LARGE1: variants seen among roughly 807,000 people sequenced by gnomAD.
LARGE1 encodes the protein LARGE xylosyl- and glucuronyltransferase 1, also known as xylosyl- and glucuronyltransferase LARGE1.
Under a neutral mutation model 87.6 loss-of-function variants are expected in LARGE1, and 43 were observed. That is an observed-to-expected ratio of 0.49 (90% CI 0.38 to 0.63). The LOEUF (loss-of-function observed/expected upper bound fraction) is 0.63. Ranked by LOEUF, LARGE1 falls within the 30% of genes least tolerant of loss-of-function variation. The pLI, the probability that LARGE1 is intolerant of heterozygous loss-of-function variation, is 0.00. For missense variants in LARGE1, 802 were observed against 1,000.2 expected (o/e 0.80, Z 2.67); for synonymous variants, 434 against 394.6 (o/e 1.10, Z -1.18).
At chr22:33,793,450 C>T (rs2085884892) in intron 1 of LARGE1, among the ~76,000 whole-genome samples, 1 of 152,194 alleles carries the variant, frequency 6.6e-6, no homozygotes, top group Non-Finnish European at 1.5e-5. Flanking sequence ...ACAGCTCCCC[C>T]ATGTTTACTG....
At chr22:33,489,767 T>C (rs572282862) in intron 6 of LARGE1, among the ~76,000 whole-genome samples, 15 of 152,160 alleles carry the variant, frequency 9.9e-5, no homozygotes, top group Middle Eastern at 3.4e-3. Flanking sequence ...AGCGAACTAA[T>C]AGAAACAATG....
downstream of LARGE1, among the ~76,000 whole-genome samples, chr22:33,160,076 G>A (rs1946227951): frequency 6.6e-6 from 1 of 152,090 alleles, no homozygotes; most frequent in Admixed American, 6.5e-5. Context: ...TTTCACATAG[G>A]GGACACAAAG....
Position 33,779,471 on chromosome 22 carries a change from C to G in LARGE1, c.-82-17913G>C, listed in dbSNP as rs948748112. Among the ~76,000 whole-genome samples, 6 of 152,202 alleles carry G rather than the reference C, an allele frequency of 3.9e-5. 1 individual carries two copies. The highest frequency in any genetic ancestry group is 6.5e-5 in the Admixed American group (1 of 15,272). On this transcript the variant is annotated intron_variant, in intron 1 of 14. Transcript: ENST00000397394. The stretch of plus-strand genomic sequence containing the variant: ...CAGTGAGAAGTAATCAAGTTCCTAG[C>G]GACAGTTTGATCATTTTAAAACAAA...
chr22:33,552,127 A>G (rs1454553187), intron 6 of LARGE1, among the ~76,000 whole-genome samples: 1 of 152,286 alleles, frequency 6.6e-6, no homozygotes, highest in Non-Finnish European at 1.5e-5. Flanking sequence ...TAACGGACTG[A>G]GCATTAAAGA....
chr22:33,682,683 G>C (rs1473908975), intron 2 of LARGE1, among the ~76,000 whole-genome samples: 2 of 152,166 alleles, frequency 1.3e-5, no homozygotes, highest in Non-Finnish European at 2.9e-5. Flanking sequence ...ATGAATCTTT[G>C]AATTACTGAT....
chr22:33,190,010 G>T (rs1222629295), intron 11 of LARGE1, among the ~76,000 whole-genome samples: 1 of 152,036 alleles, frequency 6.6e-6, no homozygotes, highest in Admixed American at 6.6e-5. Flanking sequence ...TACACTACTG[G>T]GATTATCCAT....
At chr22:33,771,800 G>T (rs2085075767) in intron 1 of LARGE1, among the ~76,000 whole-genome samples, 1 of 152,130 alleles carries the variant, frequency 6.6e-6, no homozygotes. Context: ...GCTCCAGAAA[G>T]GGCAACATCA....
intron 7 of LARGE1, among the ~76,000 whole-genome samples, chr22:33,391,082 C>T (rs138113807): frequency 0.075 from 11,425 of 152,210 alleles, 614 homozygotes; most frequent in Admixed American, 0.19. Flanking sequence ...CCACCCGCCT[C>T]GGCCTCCCCA....
intron 11 of LARGE1, among the ~76,000 whole-genome samples, chr22:33,203,953 T>TG (rs1711975283): frequency 6.6e-6 from 1 of 152,164 alleles, no homozygotes; most frequent in Non-Finnish European, 1.5e-5. Context: ...CCATGAACCC[T>TG]GGAGGCCCTG....
At chr22:33,825,482 G>C (rs5754707) in intron 1 of LARGE1, among the ~76,000 whole-genome samples, 1 of 151,792 alleles carries the variant, frequency 6.6e-6, no homozygotes, top group Non-Finnish European at 1.5e-5. Flanking sequence ...GGAAACTTAC[G>C]ATCATGATGG....
chr22:33,630,318 C>T (rs11704879), intron 3 of LARGE1, among the ~76,000 whole-genome samples: 12,088 of 152,260 alleles, frequency 0.079, 645 homozygotes, highest in Non-Finnish European at 0.12. Context: ...CCTGTCTACA[C>T]CTGAAATTAC....
chr22:33,796,253 A>G (rs2146028720), intron 1 of LARGE1, among the ~76,000 whole-genome samples: 1 of 152,372 alleles, frequency 6.6e-6, no homozygotes. Flanking sequence ...ACATACTCAA[A>G]GTAGCTAATT....
intron 12 of LARGE1, among the ~76,000 whole-genome samples, chr22:33,285,423 A>C (rs1196610767): frequency 6.6e-6 from 1 of 152,106 alleles, no homozygotes; most frequent in Non-Finnish European, 1.5e-5. Context: ...CAGGAGTTTG[A>C]GACCAGCCTG....
chr22:33,180,955 G>A (rs1017047254), intron 11 of LARGE1, among the ~76,000 whole-genome samples: 11 of 152,164 alleles, frequency 7.2e-5, no homozygotes, highest in Non-Finnish European at 1.2e-4. Flanking sequence ...CAGTGGGTAC[G>A]GAATCCTTTT....
At chr22:33,410,363 G>A (rs564435058) in intron 7 of LARGE1, among the ~76,000 whole-genome samples, 3 of 152,042 alleles carry the variant, frequency 2.0e-5, no homozygotes, top group African/African-American at 7.2e-5. Context: ...ATCTTGAATT[G>A]TAATCCCCAT....
At chr22:33,449,213 G>A (rs1420134790) in intron 6 of LARGE1, among the ~76,000 whole-genome samples, 3 of 152,144 alleles carry the variant, frequency 2.0e-5, no homozygotes, top group African/African-American at 7.2e-5. Flanking sequence ...CTATAGATTT[G>A]CATATCATTG....
chr22:33,832,827 C>T (rs1328935996), intron 1 of LARGE1, among the ~76,000 whole-genome samples: 1 of 146,688 alleles, frequency 6.8e-6, no homozygotes, highest in Non-Finnish European at 1.5e-5. Context: ...TGGACTGAGG[C>T]CCAGGATCTA....
At chr22:33,868,842 T>C (rs1368510273) in intron 1 of LARGE1, among the ~76,000 whole-genome samples, 2 of 152,126 alleles carry the variant, frequency 1.3e-5, no homozygotes, top group African/African-American at 4.8e-5. Flanking sequence ...TGGCTGACCT[T>C]GAGGGGCTCA....
chr22:33,416,110 G>C (rs966974278), intron 7 of LARGE1, among the ~76,000 whole-genome samples: 1 of 152,144 alleles, frequency 6.6e-6, no homozygotes, highest in Non-Finnish European at 1.5e-5. Flanking sequence ...TCTTCTAGGT[G>C]AGGAAAGTCA....
Sources: gnomAD v4.1 joint callset for allele counts (sites outside exome capture counted in the v4.1 genomes callset) on GRCh38, gnomAD v4.1.1 for gene constraint, MANE v1.5 for transcripts, NCBI Gene and HGNC (gene_info 2026-07-23, HGNC 2026-07-21) for gene names.